Variants in NCALD observed in about 807,000 individuals in gnomAD.
NCALD encodes neurocalcin-delta.
Under a neutral mutation model 18.6 loss-of-function variants are expected in NCALD, and 10 were observed. The observed-to-expected ratio is 0.54, with a 90% CI of 0.33 to 0.91. The LOEUF is 0.91. Among genes scored for constraint, NCALD ranks in the 40% least tolerant of loss-of-function variants. NCALD has a pLI of 0.03. For synonymous variants in NCALD, 88 were observed against 87.4 expected (o/e 1.01, Z -0.04); for missense variants, 184 against 247.6 (o/e 0.74, Z 1.72).
chr8:102,080,967 T>A (rs1267473320), intron 1 of NCALD, among the ~76,000 whole-genome samples: 1 of 152,126 alleles, frequency 6.6e-6, no homozygotes, highest in African/African-American at 2.4e-5. Flanking sequence ...TGGTTGGGGT[T>A]TTTTCCCCCA....
At chr8:101,811,950 A>G (rs1484176723) in intron 4 of NCALD, among the ~76,000 whole-genome samples, 1 of 152,222 alleles carries the variant, frequency 6.6e-6, no homozygotes, top group Admixed American at 6.5e-5. Context: ...GAAATCAAAG[A>G]ACTGCACTGC....
intron 4 of NCALD, among the ~76,000 whole-genome samples, chr8:101,826,365 C>T (rs1813937224): frequency 6.6e-6 from 1 of 151,392 alleles, no homozygotes; most frequent in Non-Finnish European, 1.5e-5. Flanking sequence ...CAACATTCCT[C>T]AGTGTTTTAG....
At chr8:101,718,373 C>G (rs1448961548) in intron 2 of NCALD, among the ~76,000 whole-genome samples, 1 of 152,054 alleles carries the variant, frequency 6.6e-6, no homozygotes, top group Non-Finnish European at 1.5e-5. Context: ...GGGTGGGGGT[C>G]AATTCATACC....
intron 2 of NCALD, chr8:101,693,318 G>GTTTTTTTTTTTTTTTTT: frequency 1.7e-5 from 1 of 60,000 alleles, no homozygotes; most frequent in Non-Finnish European, 3.2e-5. Context: ...CACACAGGGC[G>GTTTTTTTTTTTTTTTTT]TTTTTTTTTT....
chr8:102,045,927 G>A (rs1013253207), intron 1 of NCALD, among the ~76,000 whole-genome samples: 2 of 152,106 alleles, frequency 1.3e-5, no homozygotes, highest in Non-Finnish European at 2.9e-5. Context: ...AATGTTTATT[G>A]AGCCTATAAT....
intron 1 of NCALD, among the ~76,000 whole-genome samples, chr8:101,721,854 CT>C (rs112131848): frequency 0.14 from 19,015 of 140,816 alleles, 1,496 homozygotes; most frequent in South Asian, 0.23. Context: ...TTCCCCCTGC[CT>C]TTTTTTTTTT....
At chr8:102,099,520 C>T (rs1359314733) in intron 1 of NCALD, among the ~76,000 whole-genome samples, 1 of 151,852 alleles carries the variant, frequency 6.6e-6, no homozygotes, top group African/African-American at 2.4e-5. Context: ...TCAAGATATA[C>T]AATTGATCCT....
At chr8:101,863,882 G>A (rs1563837032) in intron 4 of NCALD, among the ~76,000 whole-genome samples, 1 of 152,126 alleles carries the variant, frequency 6.6e-6, no homozygotes, top group Non-Finnish European at 1.5e-5. Context: ...CCAGGGTTGT[G>A]GTTCACTTAG....
chr8:101,783,419 G>A (rs1812096281), intron 1 of NCALD, among the ~76,000 whole-genome samples: 1 of 152,188 alleles, frequency 6.6e-6, no homozygotes. Flanking sequence ...ATTTTGTTAA[G>A]AGGCATAAGA....
chr8:102,037,793 T>C (rs1161453595), intron 1 of NCALD, among the ~76,000 whole-genome samples: 5 of 152,202 alleles, frequency 3.3e-5, no homozygotes, highest in Admixed American at 2.0e-4. Flanking sequence ...AGGAACACAC[T>C]GAAGCACACA....
intron 2 of NCALD, among the ~76,000 whole-genome samples, chr8:101,917,785 A>G (rs1053185974): frequency 6.6e-6 from 1 of 152,112 alleles, no homozygotes; most frequent in Non-Finnish European, 1.5e-5. Context: ...AGGAACTTGA[A>G]ACCCTTAGCA....
intron 3 of NCALD, among the ~76,000 whole-genome samples, chr8:101,900,860 G>A (rs900260256): frequency 5.3e-5 from 8 of 151,962 alleles, no homozygotes; most frequent in Non-Finnish European, 5.9e-5. Context: ...GATTGATAAT[G>A]TTATGGTCTT....
At chr8:101,922,754 T>C (rs1380605782) in intron 2 of NCALD, among the ~76,000 whole-genome samples, 1 of 152,180 alleles carries the variant, frequency 6.6e-6, no homozygotes, top group Non-Finnish European at 1.5e-5. Flanking sequence ...AGTACTGAAT[T>C]TGATACATAC....
chr8:102,087,259 G>A (rs528748022), intron 1 of NCALD, among the ~76,000 whole-genome samples: 2 of 152,262 alleles, frequency 1.3e-5, no homozygotes, highest in South Asian at 2.1e-4. Flanking sequence ...GGAAGGGACT[G>A]TAGTGAAGAA....
intron 2 of NCALD, among the ~76,000 whole-genome samples, chr8:101,713,914 T>C (rs116097508): frequency 0.026 from 3,892 of 151,476 alleles, 131 homozygotes; most frequent in African/African-American, 0.078. Context: ...AGAGAGACTC[T>C]GAAAAGGCCT....
chr8:101,817,607 G>C (rs1381526795), intron 4 of NCALD, among the ~76,000 whole-genome samples: 1 of 151,276 alleles, frequency 6.6e-6, no homozygotes, highest in African/African-American at 2.4e-5. Context: ...TGAATTGATA[G>C]ATACATTTTA....
intron 1 of NCALD, among the ~76,000 whole-genome samples, chr8:101,743,618 C>T (rs1810305262): frequency 6.6e-6 from 1 of 152,134 alleles, no homozygotes; most frequent in East Asian, 1.9e-4. Context: ...CCTTTCATTC[C>T]CTGGACTACC....
intron 2 of NCALD, among the ~76,000 whole-genome samples, chr8:101,948,015 G>C (rs1023113182): frequency 1.3e-5 from 2 of 152,382 alleles, no homozygotes; most frequent in East Asian, 3.9e-4. Flanking sequence ...GTTATGGCCA[G>C]TCTTGGAAGC....
At chr8:102,066,060 C>T (rs1376848582) in intron 1 of NCALD, among the ~76,000 whole-genome samples, 1 of 152,152 alleles carries the variant, frequency 6.6e-6, no homozygotes, top group Non-Finnish European at 1.5e-5. Flanking sequence ...CAACTCACAG[C>T]GCTAACAAGT....
Sources: gnomAD v4.1 joint callset for allele counts (sites outside exome capture counted in the v4.1 genomes callset) on GRCh38, gnomAD v4.1.1 for gene constraint, MANE v1.5 for transcripts, NCBI Gene and HGNC (gene_info 2026-07-23, HGNC 2026-07-21) for gene names.